Variants in DOCK4 observed in about 807,000 individuals in gnomAD.
DOCK4 encodes the protein dedicator of cytokinesis protein 4.
Under a neutral mutation model 268.1 loss-of-function variants are expected in DOCK4, and 97 were observed. The ratio of observed to expected loss-of-function variants is 0.36; its 90% CI spans 0.31 to 0.43. The LOEUF (loss-of-function observed/expected upper bound fraction) is 0.43, where lower values mean the gene tolerates loss of function less well. Ranked by LOEUF, DOCK4 falls within the 20% of genes least tolerant of loss-of-function variation. DOCK4 has a pLI of 1.00. For synonymous variants in DOCK4, 954 were observed against 887.2 expected (o/e 1.08, Z -1.34); for missense variants, 2,145 against 2,455.7 (o/e 0.87, Z 2.67).
chr7:111,915,697 G>A lies in DOCK4; in HGVS notation c.1192+82C>T. ...TGGCCCATGTGAATGCTTCAAAGCT[G>A]GCAATTTGAAAAATTTCTCAAACAT... On this transcript the variant is annotated intron_variant, in intron 13 of 52. Transcript: ENST00000428084. 2.7e-6 allele frequency: 4 copies of A among 1,482,140 alleles called. No individual in the cohort carries two copies. The South Asian group carries it at 3.9e-5, about 14-fold the overall frequency. 91.8% of individuals were successfully genotyped at this position (1,482,140 alleles called of 1,614,324 possible).
chr7:111,803,147 T>C (rs1284300881), intron 30 of DOCK4, among the ~76,000 whole-genome samples: 1 of 152,242 alleles, frequency 6.6e-6, no homozygotes, highest in East Asian at 1.9e-4. Context: ...AGCCTGATTT[T>C]TTCCATTGAC....
At position 111,895,522 on chromosome 7, in the gene DOCK4, A is replaced by AT. The variant is rs557287917; in HGVS notation, c.1587+89dup. On this transcript the variant is annotated intron_variant, in intron 16 of 52. Transcript: ENST00000428084. ...TCTTACAAGAATATTCATTTCAGTC[A>AT]TTTTTTTCTCTTTTCAAAATGATAA... 1.0e-4 allele frequency: 114 copies of AT among 1,127,810 alleles called. No homozygotes were observed. In the African/African-American group the frequency reaches 1.5e-3, roughly 15 times the overall value. 69.9% of individuals were successfully genotyped at this position (1,127,810 alleles called of 1,614,324 possible). A position where few individuals can be genotyped will look rare whatever the true frequency, so the allele number is the denominator to read the frequency against.
chr7:112,165,171 G>GTA (rs1217414680), intron 1 of DOCK4, among the ~76,000 whole-genome samples: 2 of 152,074 alleles, frequency 1.3e-5, no homozygotes, highest in Non-Finnish European at 2.9e-5. Context: ...TGAAGCCAGG[G>GTA]TATTTAGGGT....
At chr7:111,890,733 C>G (rs1331309571) in intron 16 of DOCK4, among the ~76,000 whole-genome samples, 2 of 152,106 alleles carry the variant, frequency 1.3e-5, no homozygotes, top group Non-Finnish European at 2.9e-5. Flanking sequence ...GCCATTGCTA[C>G]AAAGGGAAAC....
Position 112,115,178 on chromosome 7 carries a change from C to T in DOCK4, c.37+90924G>A, listed in dbSNP as rs1012411558. Among the ~76,000 whole-genome samples the T allele has an allele frequency of 2.0e-5, 3 of 152,192 alleles. No individual in the cohort carries two copies. The East Asian group carries it at 5.8e-4, about 29-fold the overall frequency. Reference sequence around the variant, plus strand: ...TGTTGTTTCAACCTGTGGTTTGCACCAATGGCTGCGTAAAAGAATCACCTG... The same window carrying T: ...TGTTGTTTCAACCTGTGGTTTGCACTAATGGCTGCGTAAAAGAATCACCTG... On this transcript the variant is annotated intron_variant, in intron 1 of 52. Coordinates refer to ENST00000428084, the MANE Select transcript of DOCK4 (RefSeq NM_001363540.2).
intron 31 of DOCK4, 81 bp downstream of exon 31, chr7:111,790,376 T>C: frequency 6.5e-7 from 1 of 1,532,084 alleles, no homozygotes; most frequent in Admixed American, 1.9e-5. Context: ...ATTTCCCAAG[T>C]TGGAGTTGAA....
chr7:111,928,567 T>C (rs115356209), intron 12 of DOCK4, among the ~76,000 whole-genome samples: 1,883 of 151,086 alleles, frequency 0.012, 47 homozygotes, highest in African/African-American at 0.044. Flanking sequence ...GCATGCAAAA[T>C]AGCCTGGATT....
intron 1 of DOCK4, among the ~76,000 whole-genome samples, chr7:112,073,959 C>T (rs926055240): frequency 1.3e-5 from 2 of 152,120 alleles, no homozygotes; most frequent in Non-Finnish European, 2.9e-5. Flanking sequence ...ACACTCTATA[C>T]ATGAATTGAA....
rs376489129 is a variant in DOCK4 at position 112,206,035 on chromosome 7, G to A, written c.37+67C>T. 1.4e-4 allele frequency: 207 copies of A among 1,515,126 alleles called. No homozygotes were observed. The African/African-American group carries it at 1.7e-3, about 12-fold the overall frequency. 93.9% of individuals were successfully genotyped at this position (1,515,126 alleles called of 1,614,324 possible). On this transcript the variant is annotated intron_variant, in intron 1 of 52. Transcript: ENST00000428084. ...CGGGCGGAGCGAGAGGGGCGCGGGG[G>A]CAAGGACGAGAAATGCGCACTCGCT...
chr7:111,728,154 A>T lies in DOCK4; in HGVS notation c.*120T>A. 2 of 724,552 alleles carry T rather than the reference A, an allele frequency of 2.8e-6. No homozygotes were observed. The highest frequency in any genetic ancestry group is 3.9e-6 in the Non-Finnish European group (2 of 511,834). 44.9% of individuals were successfully genotyped at this position (724,552 alleles called of 1,614,324 possible). A position where few individuals can be genotyped will look rare whatever the true frequency, so the allele number is the denominator to read the frequency against. On this transcript the variant is annotated 3_prime_UTR_variant, in exon 53 of 53. Coordinates refer to ENST00000428084, the MANE Select transcript of DOCK4 (RefSeq NM_001363540.2). ...ACATGATATTTAATAAGCAAGTTTT[A>T]ATTCCATTCATCGAAGGAGCTGAGT...
rs114997071 is a variant in DOCK4 at position 111,739,948 on chromosome 7, T to C, written c.5041-471A>G. 4.2e-3 allele frequency: 1,348 copies of C among 319,210 alleles called. 19 individuals are homozygous for C. The highest frequency in any genetic ancestry group is 0.028 in the African/African-American group (1,284 of 45,056). 19.8% of individuals were successfully genotyped at this position (319,210 alleles called of 1,614,324 possible). A position where few individuals can be genotyped will look rare whatever the true frequency, so the allele number is the denominator to read the frequency against. ...TGAACTATCATAAATGCCATATTAG[T>C]AGTGTTTAAATAAAATGTTTGCTTG... is the stretch of plus-strand genomic sequence containing the variant. On this transcript the variant is annotated intron_variant, in intron 47 of 52. Transcript: ENST00000428084.
chr7:112,185,461 A>C (rs1011619999), intron 1 of DOCK4, among the ~76,000 whole-genome samples: 3 of 152,226 alleles, frequency 2.0e-5, no homozygotes, highest in African/African-American at 7.2e-5. Flanking sequence ...AAACAGGACA[A>C]GTAAGAAAGC....
intron 1 of DOCK4, among the ~76,000 whole-genome samples, chr7:112,122,124 C>T (rs1028583398): frequency 5.9e-5 from 9 of 152,008 alleles, no homozygotes; most frequent in African/African-American, 1.7e-4. Context: ...CTTACCCTGT[C>T]TTTTTATTTT....
chr7:111,832,058 T>C (rs1177363445), intron 26 of DOCK4, among the ~76,000 whole-genome samples: 1 of 152,176 alleles, frequency 6.6e-6, no homozygotes, highest in Non-Finnish European at 1.5e-5. Flanking sequence ...CAGTGGGATA[T>C]ATACATAAAC....
chr7:111,871,619 C>T (rs1294357203), intron 20 of DOCK4, among the ~76,000 whole-genome samples: 2 of 152,174 alleles, frequency 1.3e-5, no homozygotes, highest in Non-Finnish European at 2.9e-5. Context: ...GTTTTCCATT[C>T]ATATTTCTTT....
chr7:112,174,284 T>A (rs1172371744), intron 1 of DOCK4, among the ~76,000 whole-genome samples: 1 of 152,086 alleles, frequency 6.6e-6, no homozygotes, highest in Non-Finnish European at 1.5e-5. Flanking sequence ...ACTGCCACAA[T>A]CCTCAAAACA....
chr7:111,908,109 C>T (rs75298115), intron 13 of DOCK4, among the ~76,000 whole-genome samples: 4,032 of 152,206 alleles, frequency 0.026, 195 homozygotes, highest in African/African-American at 0.092. Context: ...ACTGCTGTTT[C>T]AATTCCATCT....
chr7:111,735,263 A>T, intron 50 of DOCK4, 96 bp from the exon 51 acceptor site: 1 of 796,624 alleles, frequency 1.3e-6, no homozygotes, highest in Non-Finnish European at 1.9e-6. Flanking sequence ...CAGAATGAAA[A>T]ACTTAACTGG....
At chr7:111,898,725 T>G (rs777466105) in intron 15 of DOCK4, among the ~76,000 whole-genome samples, 2 of 152,238 alleles carry the variant, frequency 1.3e-5, no homozygotes, top group Non-Finnish European at 2.9e-5. Flanking sequence ...GTTTGTGGTA[T>G]TATCAAGATT....
Sources: allele counts gnomAD v4.1 joint callset (sites outside exome capture counted in the v4.1 genomes callset), GRCh38; gene constraint gnomAD v4.1.1; transcripts MANE v1.5; gene names NCBI Gene and HGNC (gene_info 2026-07-23, HGNC 2026-07-21).